The following ADRA1A variants were observed in gnomAD, a reference collection of about 807,000 sequenced individuals.
The protein encoded by ADRA1A is alpha-1A adrenergic receptor.
In ADRA1A, 31 loss-of-function variants were observed where a neutral mutation model predicts 29.6. The observed-to-expected ratio is 1.05, with a 90% CI of 0.79 to 1.41. The LOEUF (loss-of-function observed/expected upper bound fraction) is 1.41, where lower values mean the gene tolerates loss of function less well. Among genes scored for constraint, ADRA1A ranks in the 40% most tolerant of loss-of-function variants. The probability of loss-of-function intolerance (pLI) is 0.00; values close to 1 mark genes in which losing one functional copy is unlikely to be tolerated. For synonymous variants in ADRA1A, 311 were observed against 254.3 expected, an observed-to-expected ratio of 1.22 and a Z score of -2.12; for missense variants, 619 against 601.1, an observed-to-expected ratio of 1.03 and a Z score of -0.31.
At chr8:26,807,597 T>C (rs1809088433) in intron 2 of ADRA1A, among the ~76,000 whole-genome samples, 1 of 152,228 alleles carries the variant, frequency 6.6e-6, no homozygotes, top group South Asian at 2.1e-4. Flanking sequence ...GGTCTCATTA[T>C]AGCATGTAGT....
intron 2 of ADRA1A, among the ~76,000 whole-genome samples, chr8:26,789,066 G>A (rs1387631132): frequency 6.6e-6 from 1 of 152,030 alleles, no homozygotes; most frequent in East Asian, 1.9e-4. Context: ...AGCCCCACAT[G>A]CATTAGACCT....
chr8:26,858,036 C>T (rs1005854386), intron 2 of ADRA1A, among the ~76,000 whole-genome samples: 4 of 152,190 alleles, frequency 2.6e-5, no homozygotes, highest in African/African-American at 9.7e-5. Flanking sequence ...TGCCTCATTG[C>T]CTCCACCTGA....
At chr8:26,863,297 A>T (rs1813617357) in intron 2 of ADRA1A, among the ~76,000 whole-genome samples, 1 of 152,218 alleles carries the variant, frequency 6.6e-6, no homozygotes, top group Non-Finnish European at 1.5e-5. Context: ...ATTAATTTTG[A>T]CAACAGCTAA....
At chr8:26,826,039 G>C (rs116458818) in intron 2 of ADRA1A, among the ~76,000 whole-genome samples, 1 of 152,098 alleles carries the variant, frequency 6.6e-6, no homozygotes, top group Admixed American at 6.6e-5. Context: ...GTTCATTTTC[G>C]TCATGGAGAT....
At position 26,814,885 on chromosome 8, in the gene ADRA1A, AAT is replaced by A. The variant is rs1809654838; in HGVS notation, c.884-44221_884-44220del. 3.3e-5 allele frequency among the ~76,000 whole-genome samples: 5 copies of A among 152,332 alleles called. No homozygotes were observed. The South Asian group carries it at 1.0e-3, about 32-fold the overall frequency. ...CATTTAAGAAGTCCTTTAAAATTAA[AAT>A]ATGTCTCTCTTCTTTTATCTCTTGA... is the stretch of plus-strand genomic sequence containing the variant. On this transcript the variant is annotated intron_variant, in intron 2 of 2. Transcript: ENST00000380573.
At chr8:26,832,396 C>G (rs1160733179) in intron 2 of ADRA1A, among the ~76,000 whole-genome samples, 13 of 152,138 alleles carry the variant, frequency 8.5e-5, no homozygotes, top group Non-Finnish European at 1.9e-4. Flanking sequence ...ACAATGTGCA[C>G]TCTTTGCGGA....
In ADRA1A at chr8:26,864,887, A is replaced by T. The variant is rs1431288722; in HGVS notation, c.83T>A (p.Leu28Gln). ...GAGGCCCCCCAAGATCACCCCGAGC[A>T]GAATGGCCTTGGAAATGTTCACCGG... ...PAPVNISKAI[L>Q]LGVILGGLIL... is the part of the protein sequence containing the mutation. Residue 28 changes from leucine (L) to glutamine (Q), a missense_variant, in exon 2 of 3, where the codon CTG (leucine) becomes CAG (glutamine). Coordinates refer to ENST00000380573, the MANE Select transcript of ADRA1A (RefSeq NM_000680.4). The surrounding 1 kb of genome is among the most constrained non-coding windows in gnomAD (Gnocchi z 8.1). The T allele has an allele frequency of 6.2e-7, 1 of 1,613,934 alleles. No homozygotes were observed. The highest frequency in any genetic ancestry group is 8.5e-7 in the Non-Finnish European group (1 of 1,180,026).
At chr8:26,820,710 G>A (rs941800902) in intron 2 of ADRA1A, among the ~76,000 whole-genome samples, 8 of 152,208 alleles carry the variant, frequency 5.3e-5, no homozygotes, top group Admixed American at 2.6e-4. Flanking sequence ...AGACAGAATC[G>A]GCTTGATGAC....
downstream of ADRA1A, among the ~76,000 whole-genome samples, chr8:26,753,499 TA>T (rs1805013845): frequency 6.6e-6 from 1 of 152,170 alleles, no homozygotes; most frequent in Admixed American, 6.5e-5. Flanking sequence ...AAGAAAATAA[TA>T]AAGTGTTGTC....
At chr8:26,767,378 A>AG (rs1269444046), downstream of ADRA1A, among the ~76,000 whole-genome samples, 5 of 152,210 alleles carry the variant, frequency 3.3e-5, no homozygotes, top group African/African-American at 1.2e-4. Flanking sequence ...ACAGAGATTT[A>AG]GGGGGAATGA....
At chr8:26,819,097 A>G (rs1809973398) in intron 2 of ADRA1A, among the ~76,000 whole-genome samples, 1 of 152,194 alleles carries the variant, frequency 6.6e-6, no homozygotes, top group Non-Finnish European at 1.5e-5. Flanking sequence ...AGCAAGAGAA[A>G]AGCAGGAAAA....
chr8:26,757,693 G>A (rs971002318), intron 2 of ADRA1A, among the ~76,000 whole-genome samples: 2 of 152,154 alleles, frequency 1.3e-5, no homozygotes, highest in African/African-American at 4.8e-5. Context: ...GGGAATTTGT[G>A]GTTTTGGCTT....
chr8:26,799,759 T>G (rs1808436069), intron 2 of ADRA1A, among the ~76,000 whole-genome samples: 1 of 152,202 alleles, frequency 6.6e-6, no homozygotes, highest in South Asian at 2.1e-4. Flanking sequence ...TAAGTGAATA[T>G]TTTAGACTGT....
At chr8:26,852,595 A>G (rs1585839199) in intron 2 of ADRA1A, among the ~76,000 whole-genome samples, 1 of 152,120 alleles carries the variant, frequency 6.6e-6, no homozygotes, top group East Asian at 1.9e-4. Context: ...AGGCAAATGG[A>G]AAATACGAAA....
intron 2 of ADRA1A, among the ~76,000 whole-genome samples, chr8:26,824,870 T>C (rs923399610): frequency 1.3e-5 from 2 of 152,206 alleles, no homozygotes; most frequent in African/African-American, 4.8e-5. Context: ...AATGAGCCCA[T>C]CTTTATTCCT....
At chr8:26,779,270 T>C in intron 2 of ADRA1A, 7 of 701,712 alleles carry the variant, frequency 1.0e-5, no homozygotes, top group Non-Finnish European at 1.8e-5. Flanking sequence ...TTTTTGCCTC[T>C]TACATTCCAA....
At chr8:26,767,343 G>T (rs1341097049), downstream of ADRA1A, among the ~76,000 whole-genome samples, 1 of 139,162 alleles carries the variant, frequency 7.2e-6, no homozygotes, top group African/African-American at 2.9e-5. Context: ...AACAATTTTA[G>T]ATATTTTTTG....
intron 2 of ADRA1A, among the ~76,000 whole-genome samples, chr8:26,807,109 T>G (rs1314804245): frequency 6.6e-6 from 1 of 152,230 alleles, no homozygotes; most frequent in Admixed American, 6.5e-5. Flanking sequence ...GTAATACTTT[T>G]CACAGCAAGT....
rs147708857 is a variant in ADRA1A at position 26,770,554 on chromosome 8, C to A, written c.996G>T (p.Glu332Asp). 1 of 1,614,196 alleles carries A rather than the reference C, an allele frequency of 6.2e-7. No individual in the cohort carries two copies. The highest frequency in any genetic ancestry group is 8.5e-7 in the Non-Finnish European group (1 of 1,180,038). Residue 332 changes from glutamate (E) to aspartate (D), a missense_variant, in exon 3 of 3, where the codon GAG (glutamate) becomes GAT (aspartate). Physicochemically the swap from Glu to Asp is conservative, Grantham distance 45. Coordinates refer to ENST00000380573, the MANE Select transcript of ADRA1A (RefSeq NM_000680.4). ...AGACATTCTGAAAGGCCTTTTTGAA[C>A]TCTTGGCTGGAGCATGGGTATATGA... is the stretch of plus-strand genomic sequence containing the variant. ...NPIIYPCSSQ[E>D]FKKAFQNVLR...
Sources: gnomAD v4.1 joint callset for allele counts (sites outside exome capture counted in the v4.1 genomes callset) on GRCh38, gnomAD v4.1.1 for gene constraint, Gnocchi (gnomAD v3.1) non-coding constraint, MANE v1.5 for transcripts, NCBI Gene and HGNC (gene_info 2026-07-23, HGNC 2026-07-21) for gene names.